Variants in NYAP2 observed in about 807,000 individuals in gnomAD.
NYAP2 encodes neuronal tyrosine-phosphorylated phosphoinositide-3-kinase adaptor 2.
A neutral mutation model predicts 50.4 loss-of-function variants in NYAP2; 23 were observed. The observed-to-expected ratio is 0.46, with a 90% CI of 0.33 to 0.65. The LOEUF is 0.65. NYAP2 is among the 30% of genes least tolerant of loss of function. NYAP2 has a pLI of 0.02. For synonymous variants in NYAP2, 394 were observed against 365.2 expected, an observed-to-expected ratio of 1.08 and a Z score of -0.90; for missense variants, 885 against 861.0, an observed-to-expected ratio of 1.03 and a Z score of -0.35.
At chr2:225,519,676 G>A (rs1482740525) in intron 4 of NYAP2, among the ~76,000 whole-genome samples, 1 of 152,070 alleles carries the variant, frequency 6.6e-6, no homozygotes, top group African/African-American at 2.4e-5. Context: ...TATCATTGTT[G>A]GACATTTGCG....
At chr2:225,422,369 C>T (rs1008905702) in intron 3 of NYAP2, among the ~76,000 whole-genome samples, 2 of 152,152 alleles carry the variant, frequency 1.3e-5, no homozygotes, top group Non-Finnish European at 2.9e-5. Flanking sequence ...ATAAATTGTT[C>T]TCTAAGTGTC....
At chr2:225,665,399 C>G in the NYAP2 span, among the ~76,000 whole-genome samples, 1 of 152,074 alleles carries the variant, frequency 6.6e-6, no homozygotes. Flanking sequence ...CAGCTGTTCA[C>G]TACTACAGTT....
chr2:225,460,581 A>T (rs1689813309), intron 3 of NYAP2, among the ~76,000 whole-genome samples: 2 of 152,156 alleles, frequency 1.3e-5, no homozygotes. Flanking sequence ...TTACTTTCCG[A>T]TTGGTCCATT....
At chr2:225,520,684 T>G (rs1276433952) in intron 4 of NYAP2, among the ~76,000 whole-genome samples, 1 of 152,202 alleles carries the variant, frequency 6.6e-6, no homozygotes, top group Non-Finnish European at 1.5e-5. Context: ...AGCCTTGTAG[T>G]ATAGTTTGAA....
At chr2:225,490,807 C>T (rs1366569182) in intron 3 of NYAP2, among the ~76,000 whole-genome samples, 1 of 152,176 alleles carries the variant, frequency 6.6e-6, no homozygotes, top group Non-Finnish European at 1.5e-5. Context: ...TTGTCTTAAA[C>T]TTTGTTATTA....
At chr2:225,616,110 G>C (rs905574588) in intron 5 of NYAP2, among the ~76,000 whole-genome samples, 2 of 152,138 alleles carry the variant, frequency 1.3e-5, no homozygotes, top group South Asian at 2.1e-4. Context: ...TGCCCCATCT[G>C]TGTGTAAAAC....
chr2:225,606,247 G>T (rs1317803471), intron 5 of NYAP2, among the ~76,000 whole-genome samples: 7 of 152,098 alleles, frequency 4.6e-5, no homozygotes, highest in Non-Finnish European at 1.5e-5. Flanking sequence ...TGGCTGTGCG[G>T]TGCTATGACT....
In NYAP2 at chr2:225,582,782, C is replaced by G. The variant is rs762928339; in HGVS notation, c.1365C>G (p.Pro455=). The change falls in exon 5 of 7, where the codon CCC becomes CCG. Residue 455 remains proline, a synonymous_variant. Coordinates refer to ENST00000636099, the Ensembl canonical transcript of NYAP2. The surrounding 1 kb of genome is among the most constrained non-coding windows in gnomAD (Gnocchi z 7.0). ...CTCCCCTGAGCCTCAAAAGGCCTCCCCCTTACGACGCTGTGCATTCGGGCA... is the reference window on the plus strand; with the variant it reads ...CTCCCCTGAGCCTCAAAAGGCCTCCGCCTTACGACGCTGTGCATTCGGGCA... 6.2e-7 allele frequency: 1 copy of G among 1,613,938 alleles called. No homozygotes were observed. Among genetic ancestry groups the G allele is most frequent in the Non-Finnish European group, 8.5e-7 (1 of 1,179,886 alleles).
At chr2:225,613,957 T>C (rs79311922) in intron 5 of NYAP2, among the ~76,000 whole-genome samples, 4,906 of 152,276 alleles carry the variant, frequency 0.032, 247 homozygotes, top group African/African-American at 0.11. Context: ...GAACTAATAT[T>C]GTTGAAGCCT....
intron 3 of NYAP2, among the ~76,000 whole-genome samples, chr2:225,426,795 T>C (rs1216649385): frequency 5.3e-5 from 8 of 152,116 alleles, no homozygotes; most frequent in Non-Finnish European, 1.2e-4. Context: ...CTCCACATAA[T>C]AGGTGAGAGA....
chr2:225,447,459 A>G (rs1283425391), intron 3 of NYAP2, among the ~76,000 whole-genome samples: 1 of 152,208 alleles, frequency 6.6e-6, no homozygotes, highest in Non-Finnish European at 1.5e-5. Flanking sequence ...ATATAGATGG[A>G]GAGAGTTCTA....
chr2:225,449,985 T>TACCTA (rs1436654415), intron 3 of NYAP2, among the ~76,000 whole-genome samples: 1 of 152,174 alleles, frequency 6.6e-6, no homozygotes, highest in African/African-American at 2.4e-5. Flanking sequence ...CTGATAAGTA[T>TACCTA]TTATTAGGTA....
chr2:225,677,709 A>G, the NYAP2 span, among the ~76,000 whole-genome samples: 5 of 152,130 alleles, frequency 3.3e-5, no homozygotes, highest in African/African-American at 1.2e-4. Flanking sequence ...TGTGTGGTGA[A>G]TCATATTTAT....
chr2:225,467,705 G>A (rs1689943170), intron 3 of NYAP2, among the ~76,000 whole-genome samples: 1 of 152,134 alleles, frequency 6.6e-6, no homozygotes, highest in Admixed American at 6.6e-5. Flanking sequence ...CTGTGGCTCT[G>A]GGATACAAAA....
intron 5 of NYAP2, among the ~76,000 whole-genome samples, chr2:225,622,564 T>TTTTTTC (rs1693134971): frequency 1.9e-5 from 1 of 53,002 alleles, no homozygotes; most frequent in Admixed American, 1.8e-4. Flanking sequence ...TTTCTTTTTC[T>TTTTTTC]TTCTTTCTTT....
chr2:225,597,442 G>A (rs1692621372), intron 5 of NYAP2, among the ~76,000 whole-genome samples: 1 of 139,846 alleles, frequency 7.2e-6, no homozygotes, highest in Non-Finnish European at 1.5e-5. Context: ...AATGGTCTCT[G>A]ATTCCATCTA....
intron 6 of NYAP2, among the ~76,000 whole-genome samples, 200 bp downstream of exon 6, chr2:225,627,326 T>C (rs896375648): frequency 1.3e-5 from 2 of 152,226 alleles, no homozygotes; most frequent in African/African-American, 4.8e-5. Context: ...TTTACAGAGA[T>C]GAAAGATACC....
intron 6 of NYAP2, among the ~76,000 whole-genome samples, chr2:225,641,231 G>A (rs1395085035): frequency 1.3e-5 from 2 of 152,226 alleles, no homozygotes; most frequent in African/African-American, 4.8e-5. Context: ...TGCACCAACA[G>A]TGTTCACGAA....
chr2:225,507,844 C>G (rs939033713), intron 3 of NYAP2, among the ~76,000 whole-genome samples: 2 of 152,178 alleles, frequency 1.3e-5, no homozygotes, highest in Non-Finnish European at 2.9e-5. Flanking sequence ...GGGCCAATGC[C>G]GCTATTAAAC....
Sources: allele counts gnomAD v4.1 joint callset (sites outside exome capture counted in the v4.1 genomes callset), GRCh38; gene constraint gnomAD v4.1.1; non-coding constraint Gnocchi (gnomAD v3.1); transcripts MANE v1.5; gene names NCBI Gene and HGNC (gene_info 2026-07-23, HGNC 2026-07-21).